OXR1: variants seen among roughly 807,000 people sequenced by gnomAD.
OXR1 encodes the protein oxidation resistance 1, also known as oxidation resistance protein 1.
OXR1 carries 41 observed loss-of-function variants against 104.6 expected under a neutral mutation model. The ratio of observed to expected loss-of-function variants is 0.39; its 90% CI spans 0.31 to 0.51. OXR1 has a LOEUF of 0.51. Ranked by LOEUF, OXR1 falls within the 20% of genes least tolerant of loss-of-function variation. The pLI is 0.77. For synonymous variants in OXR1, 348 were observed against 348.4 expected, an observed-to-expected ratio of 1.00 and a Z score of 0.01; for missense variants, 955 against 1,031.9, an observed-to-expected ratio of 0.93 and a Z score of 1.02.
Position 106,692,814 on chromosome 8 carries a change from G to A in OXR1, c.612G>A (p.Glu204=), listed in dbSNP as rs764586117. Residue 204 remains glutamate, a synonymous_variant, in exon 7 of 17, where the codon GAG becomes GAA. Transcript: ENST00000517566. ...RPARVVSSTS[E]EEEAFTEKFL... ...CACGAGTTGTATCTTCAACTTCTGA[G>A]GAGGAGGAAGCATTTACTGAGAAAT... 87 of 1,604,904 alleles carry A rather than the reference G, an allele frequency of 5.4e-5. No individual in the cohort carries two copies. The highest frequency in any genetic ancestry group is 3.2e-4 in the Admixed American group (19 of 59,552).
chr8:106,578,530 T>C (rs556928955), intron 3 of OXR1, among the ~76,000 whole-genome samples: 1 of 152,334 alleles, frequency 6.6e-6, no homozygotes, highest in Admixed American at 6.5e-5. Context: ...ATAATATTTG[T>C]AGTTCTATGT....
intron 2 of OXR1, among the ~76,000 whole-genome samples, chr8:106,371,271 T>C (rs1816695826): frequency 6.6e-6 from 1 of 152,132 alleles, no homozygotes; most frequent in African/African-American, 2.4e-5. Context: ...TTTTATTGTG[T>C]CTATTTGATT....
At chr8:106,375,697 C>A (rs1816880761) in intron 2 of OXR1, among the ~76,000 whole-genome samples, 1 of 152,184 alleles carries the variant, frequency 6.6e-6, no homozygotes, top group Non-Finnish European at 1.5e-5. Flanking sequence ...TTCATTAGTG[C>A]TTTCAGTCTG....
intron 1 of OXR1, among the ~76,000 whole-genome samples, chr8:106,303,248 C>CTTTTTTT (rs1164596413): frequency 1.8e-4 from 17 of 92,328 alleles, no homozygotes; most frequent in Admixed American, 2.5e-4. Context: ...TTTTTTCTTT[C>CTTTTTTT]TTTTTTTTTT....
At position 106,597,437 on chromosome 8, in the gene OXR1, A is replaced by T. The variant is rs144750285; in HGVS notation, c.220+78298A>T. On this transcript the variant is annotated intron_variant, in intron 3 of 16. Coordinates refer to ENST00000517566, the MANE Select transcript of OXR1 (RefSeq NM_001198533.2). ...TAGATTTCTGTTCTTTGTAAGCCAC[A>T]ATCATTTTATGATATTTTTGTTATA... 2.3e-3 allele frequency among the ~76,000 whole-genome samples: 354 copies of T among 152,340 alleles called. 3 individuals carry two copies. Among genetic ancestry groups the T allele is most frequent in the African/African-American group, 7.7e-3 (320 of 41,582 alleles).
In OXR1 at chr8:106,640,671, A is replaced by C. The variant is rs74435799; in HGVS notation, c.221-38539A>C. Among the ~76,000 whole-genome samples, 32 of 152,288 alleles carry C rather than the reference A, an allele frequency of 2.1e-4. No homozygotes were observed. In the East Asian group the frequency reaches 6.2e-3, roughly 29 times the overall value. ...CTTCGATAGCATAAAAATAACATTT[A>C]TTTCTTTGCAAATCAATTTTTAGAA... On this transcript the variant is annotated intron_variant, in intron 3 of 16. Coordinates refer to ENST00000517566, the MANE Select transcript of OXR1 (RefSeq NM_001198533.2).
intron 2 of OXR1, among the ~76,000 whole-genome samples, chr8:106,495,805 T>C (rs1259676186): frequency 6.6e-6 from 1 of 152,170 alleles, no homozygotes; most frequent in Non-Finnish European, 1.5e-5. Flanking sequence ...TATAAAATAC[T>C]TTAGAGATTG....
chr8:106,733,936 A>G (rs150179717), intron 11 of OXR1, among the ~76,000 whole-genome samples: 8 of 149,666 alleles, frequency 5.3e-5, no homozygotes, highest in African/African-American at 1.7e-4. Flanking sequence ...ACAGGAAGTG[A>G]TTTTAAATGC....
intron 3 of OXR1, among the ~76,000 whole-genome samples, chr8:106,541,394 C>T (rs534693218): frequency 2.0e-5 from 3 of 152,242 alleles, no homozygotes; most frequent in African/African-American, 7.2e-5. Context: ...ACTTCATGTG[C>T]CTCTACCAAC....
chr8:106,737,129 AG>A (rs1834451966), intron 11 of OXR1, among the ~76,000 whole-genome samples: 1 of 152,086 alleles, frequency 6.6e-6, no homozygotes, highest in Non-Finnish European at 1.5e-5. Flanking sequence ...CCTGATTTGG[AG>A]GGGGTAGTTG....
intron 1 of OXR1, among the ~76,000 whole-genome samples, chr8:106,273,598 G>A (rs1482900598): frequency 1.3e-5 from 2 of 152,162 alleles, no homozygotes; most frequent in African/African-American, 4.8e-5. Flanking sequence ...GAGAAACTTG[G>A]CTTTCAATAA....
intron 2 of OXR1, among the ~76,000 whole-genome samples, chr8:106,446,415 C>T (rs1023347622): frequency 1.4e-4 from 21 of 152,080 alleles, no homozygotes; most frequent in Non-Finnish European, 2.1e-4. Flanking sequence ...GTCAGGAGTC[C>T]GAGACCAGCC....
intron 1 of OXR1, among the ~76,000 whole-genome samples, chr8:106,278,836 G>A (rs765273836): frequency 6.6e-5 from 10 of 152,110 alleles, no homozygotes; most frequent in Non-Finnish European, 1.3e-4. Context: ...GTCTTAAAAT[G>A]GGAAAATAAA....
At chr8:106,457,260 G>T (rs774857939) in intron 2 of OXR1, among the ~76,000 whole-genome samples, 2 of 152,138 alleles carry the variant, frequency 1.3e-5, no homozygotes, top group Non-Finnish European at 2.9e-5. Context: ...ATAAAAAGAT[G>T]ATTTTGGTCC....
intron 11 of OXR1, among the ~76,000 whole-genome samples, chr8:106,721,390 G>T (rs1415624557): frequency 6.6e-6 from 1 of 151,996 alleles, no homozygotes; most frequent in African/African-American, 2.4e-5. Context: ...AACTTTACTT[G>T]ATTTATTTAG....
At chr8:106,429,199 G>A (rs1176988875) in intron 2 of OXR1, among the ~76,000 whole-genome samples, 3 of 151,916 alleles carry the variant, frequency 2.0e-5, no homozygotes, top group Admixed American at 6.6e-5. Context: ...CTTGAAATTC[G>A]TTCTCAGTGG....
chr8:106,712,347 A>C (rs1831783724), intron 10 of OXR1, among the ~76,000 whole-genome samples: 1 of 152,066 alleles, frequency 6.6e-6, no homozygotes, highest in South Asian at 2.1e-4. Flanking sequence ...TTCCTGTCTC[A>C]ACACCAATCT....
chr8:106,490,635 A>T (rs1586712944), intron 2 of OXR1, among the ~76,000 whole-genome samples: 1 of 152,098 alleles, frequency 6.6e-6, no homozygotes, highest in Admixed American at 6.6e-5. Context: ...CAAAGTGCTG[A>T]GATTACAGGA....
rs575410633 is a variant in OXR1 at position 106,488,618 on chromosome 8, A to T, written c.24-30325A>T. Among the ~76,000 whole-genome samples, 80 of 150,630 alleles carry T rather than the reference A, an allele frequency of 5.3e-4. 2 individuals carry two copies. In the East Asian group the frequency reaches 0.015, roughly 28 times the overall value. On this transcript the variant is annotated intron_variant, in intron 2 of 16. Coordinates refer to ENST00000517566, the MANE Select transcript of OXR1 (RefSeq NM_001198533.2). ...TTTTTGTATAAGGTGTAAGGAAGGG[A>T]TCCAGTTTCAGCTTTCTACATATGG... is the stretch of plus-strand genomic sequence containing the variant.
Sources: allele counts gnomAD v4.1 joint callset (sites outside exome capture counted in the v4.1 genomes callset), GRCh38; gene constraint gnomAD v4.1.1; transcripts MANE v1.5; gene names NCBI Gene and HGNC (gene_info 2026-07-23, HGNC 2026-07-21).